PAM: variants seen among roughly 807,000 people sequenced by gnomAD.
PAM encodes the protein peptidyl-glycine alpha-amidating monooxygenase.
Under a neutral mutation model 122.1 loss-of-function variants are expected in PAM, and 72 were observed. The ratio of observed to expected loss-of-function variants is 0.59; its 90% CI spans 0.49 to 0.72. The LOEUF is 0.72. Ranked by LOEUF, PAM falls within the 30% of genes least tolerant of loss-of-function variation. The pLI is 0.00. For missense variants in PAM, 1,106 were observed against 1,183.7 expected (o/e 0.93, Z 0.96); for synonymous variants, 389 against 404.4 (o/e 0.96, Z 0.46).
chr5:102,953,172 G>C (rs1369532804), intron 12 of PAM, among the ~76,000 whole-genome samples: 1 of 152,146 alleles, frequency 6.6e-6, no homozygotes, highest in Admixed American at 6.6e-5. Flanking sequence ...TGGAACTGGA[G>C]AAAACTTTGC....
At chr5:102,855,998 T>G (rs1782530219) in intron 1 of PAM, among the ~76,000 whole-genome samples, 1 of 152,104 alleles carries the variant, frequency 6.6e-6, no homozygotes, top group African/African-American at 2.4e-5. Flanking sequence ...CACACTTTTT[T>G]TGAAAAAAAC....
At chr5:102,943,122 A>G (rs1008580988) in intron 7 of PAM, among the ~76,000 whole-genome samples, 1 of 152,128 alleles carries the variant, frequency 6.6e-6, no homozygotes, top group African/African-American at 2.4e-5. Flanking sequence ...ATAACAATAC[A>G]TTGGTTCCCT....
At chr5:102,934,780 T>G (rs759863734) in intron 7 of PAM, among the ~76,000 whole-genome samples, 135 of 152,314 alleles carry the variant, frequency 8.9e-4, no homozygotes, top group Admixed American at 1.6e-3. Flanking sequence ...TGTTTAAATA[T>G]TCACACAAAA....
intron 7 of PAM, among the ~76,000 whole-genome samples, chr5:102,943,593 A>G (rs897454076): frequency 4.6e-5 from 7 of 152,132 alleles, no homozygotes. Flanking sequence ...TTTATTAAAC[A>G]TTAATATTAG....
chr5:102,938,732 A>T (rs916256559), intron 7 of PAM, among the ~76,000 whole-genome samples: 1 of 152,156 alleles, frequency 6.6e-6, no homozygotes, highest in Non-Finnish European at 1.5e-5. Flanking sequence ...TAACCCAAGT[A>T]AATTAAGAGG....
intron 16 of PAM, among the ~76,000 whole-genome samples, chr5:102,991,372 C>T (rs969078465): frequency 6.6e-6 from 1 of 152,116 alleles, no homozygotes; most frequent in Non-Finnish European, 1.5e-5. Flanking sequence ...AGCCATTATT[C>T]ATTTATTTCA....
intron 1 of PAM, among the ~76,000 whole-genome samples, chr5:102,814,115 G>T (rs1768833586): frequency 1.3e-5 from 2 of 152,194 alleles, no homozygotes; most frequent in Non-Finnish European, 2.9e-5. Context: ...TATGCCAAGG[G>T]TGCATGAGGG....
At chr5:103,005,068 TGTC>T in intron 17 of PAM, 83 bp from the exon 18 acceptor site, 1 of 742,006 alleles carries the variant, frequency 1.3e-6, no homozygotes, top group Non-Finnish European at 2.4e-6. Flanking sequence ...AACTTTGCAT[TGTC>T]TTTACAGATT....
chr5:102,930,945 C>G (rs762790604), intron 7 of PAM, among the ~76,000 whole-genome samples: 4 of 152,232 alleles, frequency 2.6e-5, no homozygotes, highest in African/African-American at 4.8e-5. Flanking sequence ...TGACCAAACT[C>G]TAAGTCCAGG....
rs1313803982 is a variant in PAM, at chr5:102,865,965, C to G, written c.-231C>G. On this transcript the variant is annotated 5_prime_UTR_variant, in exon 2 of 26. Transcript: ENST00000438793. ...GGGAGGAAAGCTTCCGCCTGCGGGC[C>G]GGACAAAAGTCCCGCCTGCCCACGG... 1.4e-5 allele frequency: 6 copies of G among 436,262 alleles called. No individual in the cohort carries two copies. Among genetic ancestry groups the G allele is most frequent in the Non-Finnish European group, 2.4e-5 (6 of 250,656 alleles). The allele number at this position is 436,262 out of a possible 1,614,324, so 27.0% of individuals were successfully genotyped here.
At chr5:102,873,986 A>T (rs1788352796) in intron 3 of PAM, among the ~76,000 whole-genome samples, 1 of 152,186 alleles carries the variant, frequency 6.6e-6, no homozygotes, top group African/African-American at 2.4e-5. Flanking sequence ...GACTTATGCA[A>T]TGTGTATAAA....
chr5:102,908,421 TG>T (rs1469199826), intron 4 of PAM, among the ~76,000 whole-genome samples: 3 of 151,966 alleles, frequency 2.0e-5, no homozygotes, highest in Non-Finnish European at 4.4e-5. Flanking sequence ...CCTCCAGCTT[TG>T]TTCTTTTGGC....
chr5:102,895,727 A>G (rs1211074987), intron 3 of PAM, among the ~76,000 whole-genome samples: 11 of 151,868 alleles, frequency 7.2e-5, no homozygotes, highest in Non-Finnish European at 1.5e-5. Context: ...TCTCAGTATC[A>G]AATATAAGCC....
chr5:102,785,718 G>A (rs1028144258), intron 1 of PAM, among the ~76,000 whole-genome samples: 2 of 152,052 alleles, frequency 1.3e-5, no homozygotes, highest in African/African-American at 4.8e-5. Context: ...TAAGTTGGGG[G>A]AAACCATAAA....
intron 1 of PAM, among the ~76,000 whole-genome samples, chr5:102,823,513 C>G (rs1187687616): frequency 6.6e-6 from 1 of 152,132 alleles, no homozygotes; most frequent in Non-Finnish European, 1.5e-5. Flanking sequence ...GACTGAATAA[C>G]TGGGTGATTC....
chr5:103,007,837 T>C (rs932347467), intron 20 of PAM, among the ~76,000 whole-genome samples, 180 bp downstream of exon 20: 1 of 152,154 alleles, frequency 6.6e-6, no homozygotes, highest in Non-Finnish European at 1.5e-5. Flanking sequence ...CTATTCATTG[T>C]ACAGAAACAA....
chr5:102,767,486 T>C lies in PAM; in HGVS notation c.-374+12138T>C, dbSNP rs140327221. ...CTTCCTTATGTACCTGGCTTGCCAG[T>C]TTAAAAGTTTCACCATTTTAAGTTT... On this transcript the variant is annotated intron_variant, in intron 1 of 25. Coordinates refer to ENST00000438793, the MANE Select transcript of PAM (RefSeq NM_001177306.2). Among the ~76,000 whole-genome samples, 153 of 152,298 alleles carry C rather than the reference T, an allele frequency of 1.0e-3. 1 individual carries two copies. The highest frequency in any genetic ancestry group is 3.4e-3 in the Middle Eastern group (1 of 294).
intron 1 of PAM, among the ~76,000 whole-genome samples, chr5:102,778,090 G>GA (rs1218717059): frequency 3.3e-5 from 5 of 151,894 alleles, no homozygotes; most frequent in Non-Finnish European, 4.4e-5. Flanking sequence ...CTGTTAGACA[G>GA]AAAAAAAATT....
intron 1 of PAM, among the ~76,000 whole-genome samples, chr5:102,777,293 A>C (rs1476679134): frequency 6.6e-6 from 1 of 152,030 alleles, no homozygotes; most frequent in Non-Finnish European, 1.5e-5. Context: ...TGCTGTTTAA[A>C]ATTGCAAACA....
Sources: gnomAD v4.1 joint callset for allele counts (sites outside exome capture counted in the v4.1 genomes callset) on GRCh38, gnomAD v4.1.1 for gene constraint, MANE v1.5 for transcripts, NCBI Gene and HGNC (gene_info 2026-07-23, HGNC 2026-07-21) for gene names.